The following NOSTRIN variants were observed in gnomAD, a reference collection of about 807,000 sequenced individuals.
NOSTRIN encodes nitric oxide synthase trafficking, also known as BM247 homolog.
A neutral mutation model predicts 59.0 loss-of-function variants in NOSTRIN; 63 were observed. The observed-to-expected ratio is 1.07, with a 90% CI of 0.87 to 1.32. The LOEUF (loss-of-function observed/expected upper bound fraction) is 1.32, where lower values mean the gene tolerates loss of function less well. NOSTRIN is among the 40% of genes most tolerant of loss of function. The pLI is 0.00. For missense variants in NOSTRIN, 512 were observed against 473.1 expected (o/e 1.08, Z -0.76); for synonymous variants, 200 against 165.4 (o/e 1.21, Z -1.61).
At chr2:168,854,642 G>C (rs535077015) in intron 10 of NOSTRIN, among the ~76,000 whole-genome samples, 1 of 152,026 alleles carries the variant, frequency 6.6e-6, no homozygotes, top group African/African-American at 2.4e-5. Flanking sequence ...TATTGTTCCT[G>C]ACACATTTCC....
chr2:168,834,532 CACACACACA>C lies in NOSTRIN; in HGVS notation c.504+208_504+216del, dbSNP rs1311431517. ...GCACACACACACACACACACACACA[CACACACACA>C]CCACATACATTTTAAACTTTATTTT... On this transcript the variant is annotated intron_variant, in intron 7 of 15. Transcript: ENST00000317647. 5.1e-3 allele frequency among the ~76,000 whole-genome samples: 768 copies of C among 151,260 alleles called. 31 individuals are homozygous for C. In the East Asian group the frequency reaches 0.085, roughly 17 times the overall value.
At chr2:168,856,217 A>G (rs1689095658) in intron 11 of NOSTRIN, 2 of 219,108 alleles carry the variant, frequency 9.1e-6, no homozygotes, top group South Asian at 1.2e-4. Flanking sequence ...AAAGGTAAAC[A>G]GTTCATTTAT....
At chr2:168,794,743 G>C (rs1685439495), upstream of NOSTRIN, among the ~76,000 whole-genome samples, 1 of 151,954 alleles carries the variant, frequency 6.6e-6, no homozygotes, top group African/African-American at 2.4e-5. Flanking sequence ...GGTGTAAAAT[G>C]GCTTAAAAAA....
rs748799918 is a variant in NOSTRIN, at chr2:168,811,657, A to C, written c.113+5A>C. 8.3e-6 allele frequency: 7 copies of C among 845,254 alleles called. No individual in the cohort carries two copies. Among genetic ancestry groups the C allele is most frequent in the Non-Finnish European group, 1.4e-5 (7 of 492,274 alleles). 52.4% of individuals were successfully genotyped at this position (845,254 alleles called of 1,614,324 possible). A position where few individuals can be genotyped will look rare whatever the true frequency, so the allele number is the denominator to read the frequency against. On this transcript the variant is annotated splice_donor_5th_base_variant and intron_variant, in intron 2 of 15. Coordinates refer to ENST00000317647, the MANE Select transcript of NOSTRIN (RefSeq NM_001039724.4). ...CACATCTGTTCTTCAGCAAAGGTACAAAATGCACGTTTGCAATAAATGGTT... is the reference window on the plus strand; with the variant it reads ...CACATCTGTTCTTCAGCAAAGGTACCAAATGCACGTTTGCAATAAATGGTT...
chr2:168,850,815 C>T, intron 8 of NOSTRIN: 1 of 778,916 alleles, frequency 1.3e-6, no homozygotes, highest in Non-Finnish European at 2.2e-6. Context: ...CTTCTTTTCT[C>T]CCCCTTCCTC....
At chr2:168,824,553 C>A in intron 2 of NOSTRIN, 81 bp from the exon 3 acceptor site, 1 of 761,584 alleles carries the variant, frequency 1.3e-6, no homozygotes, top group Non-Finnish European at 2.4e-6. Flanking sequence ...CCTGCCTTGG[C>A]CTCCCAAAGT....
At chr2:168,805,822 A>G (rs1005182152) in intron 1 of NOSTRIN, among the ~76,000 whole-genome samples, 57 of 152,296 alleles carry the variant, frequency 3.7e-4, no homozygotes, top group African/African-American at 1.3e-3. Flanking sequence ...TGCCGGTGCC[A>G]TGGTCCGTAG....
chr2:168,863,339 AAAGATAGAAAAGGAGTT>A, intron 15 of NOSTRIN: 3 of 902,368 alleles, frequency 3.3e-6, no homozygotes, highest in Middle Eastern at 5.7e-4. Flanking sequence ...AAAATGTAGA[AAAGATAGAAAAGGAGTT>A]AATAATTTCC....
intron 6 of NOSTRIN, among the ~76,000 whole-genome samples, chr2:168,833,011 T>G (rs942645079): frequency 4.6e-5 from 7 of 152,224 alleles, no homozygotes; most frequent in Non-Finnish European, 1.0e-4. Context: ...CCAGAAATAA[T>G]GCTGAGAGGC....
intron 7 of NOSTRIN, among the ~76,000 whole-genome samples, 177 bp downstream of exon 7, chr2:168,834,502 C>CACACACACACACAT (rs1687575140): frequency 1.8e-5 from 1 of 56,698 alleles, no homozygotes; most frequent in Non-Finnish European, 3.7e-5. Context: ...CGCGCGCGCG[C>CACACACACACACAT]GCGCGCACAC....
upstream of NOSTRIN, among the ~76,000 whole-genome samples, chr2:168,801,402 T>G (rs1685611865): frequency 1.3e-5 from 2 of 150,818 alleles, no homozygotes; most frequent in African/African-American, 4.9e-5. Flanking sequence ...AAAAAAATTA[T>G]AGAGATAGGA....
chr2:168,829,224 T>C (rs1163812662), intron 5 of NOSTRIN, among the ~76,000 whole-genome samples: 3 of 152,194 alleles, frequency 2.0e-5, no homozygotes, highest in Non-Finnish European at 4.4e-5. Flanking sequence ...CTACTCTTTC[T>C]CTGTGCCTTT....
At chr2:168,792,222 A>G (rs1001142986) in intron 2 of NOSTRIN, among the ~76,000 whole-genome samples, 28 of 152,134 alleles carry the variant, frequency 1.8e-4, no homozygotes, top group Non-Finnish European at 3.1e-4. Context: ...TAGATGCAAA[A>G]TGTTTATTCT....
chr2:168,830,217 A>G (rs1687287092), intron 5 of NOSTRIN, among the ~76,000 whole-genome samples: 1 of 152,224 alleles, frequency 6.6e-6, no homozygotes, highest in Admixed American at 6.5e-5. Flanking sequence ...AGTATTTACC[A>G]TAAATGAGGC....
At chr2:168,813,457 G>C (rs1270380063) in intron 2 of NOSTRIN, among the ~76,000 whole-genome samples, 1 of 152,006 alleles carries the variant, frequency 6.6e-6, no homozygotes, top group Admixed American at 6.6e-5. Context: ...CTTTTTTCTA[G>C]ATCACTCCAT....
intron 11 of NOSTRIN, 152 bp downstream of exon 11, chr2:168,855,612 A>AC (rs1689033864): frequency 3.3e-6 from 1 of 301,148 alleles, no homozygotes. Flanking sequence ...GAACAAAAAA[A>AC]AAAAAAGTAG....
chr2:168,792,209 C>A (rs1045310219), intron 2 of NOSTRIN, among the ~76,000 whole-genome samples: 2 of 151,992 alleles, frequency 1.3e-5, no homozygotes, highest in African/African-American at 2.4e-5. Context: ...ATTTTCAGAT[C>A]TCTAGATGCA....
At chr2:168,819,201 G>A (rs748499806) in intron 2 of NOSTRIN, among the ~76,000 whole-genome samples, 1 of 152,078 alleles carries the variant, frequency 6.6e-6, no homozygotes, top group African/African-American at 2.4e-5. Flanking sequence ...AGCTTGAACC[G>A]AGATAAAGCA....
chr2:168,863,511 C>A (rs1574348609), intron 15 of NOSTRIN: 1 of 985,302 alleles, frequency 1.0e-6, no homozygotes. Flanking sequence ...ACTTTTATGA[C>A]AAGAGCCATG....
Sources: allele counts gnomAD v4.1 joint callset (sites outside exome capture counted in the v4.1 genomes callset), GRCh38; gene constraint gnomAD v4.1.1; transcripts MANE v1.5; gene names NCBI Gene and HGNC (gene_info 2026-07-23, HGNC 2026-07-21).